Variants in ANTXR1 observed in about 807,000 individuals in gnomAD.
The protein encoded by ANTXR1 is ANTXR cell adhesion molecule 1, also known as anthrax toxin receptor 1.
ANTXR1 carries 19 observed loss-of-function variants against 78.1 expected under a neutral mutation model. That is an observed-to-expected ratio of 0.24 (90% confidence interval 0.17 to 0.36). The LOEUF is 0.36. Ranked by LOEUF, ANTXR1 falls within the 10% of genes least tolerant of loss-of-function variation. The pLI, the probability that ANTXR1 is intolerant of heterozygous loss-of-function variation, is 1.00. For synonymous variants in ANTXR1, 273 were observed against 260.5 expected (o/e 1.05, Z -0.46); for missense variants, 518 against 718.6 (o/e 0.72, Z 3.19).
At chr2:69,090,953 C>T (rs777027296) in intron 9 of ANTXR1, 34 bp downstream of exon 9, 3 of 1,600,578 alleles carry the variant, frequency 1.9e-6, no homozygotes, top group African/African-American at 2.7e-5. Context: ...TGCTTTCATA[C>T]AATTGATGAT....
chr2:69,178,721 CTTT>C (rs1319437678), intron 14 of ANTXR1, among the ~76,000 whole-genome samples: 2 of 152,196 alleles, frequency 1.3e-5, no homozygotes, highest in Non-Finnish European at 2.9e-5. Context: ...GTAAATCCTT[CTTT>C]AAGTTCTTTT....
At chr2:69,084,023 G>T (rs1313464900) in intron 8 of ANTXR1, among the ~76,000 whole-genome samples, 1 of 152,196 alleles carries the variant, frequency 6.6e-6, no homozygotes, top group Non-Finnish European at 1.5e-5. Flanking sequence ...CCCAGAGCTT[G>T]AACAGGCTAC....
chr2:69,202,614 G>C (rs1674801950), intron 17 of ANTXR1, among the ~76,000 whole-genome samples: 1 of 152,196 alleles, frequency 6.6e-6, no homozygotes, highest in African/African-American at 2.4e-5. Context: ...AGGGGTTGGA[G>C]GGCTTAGGAG....
intron 12 of ANTXR1, among the ~76,000 whole-genome samples, chr2:69,143,738 CT>C (rs766190287): frequency 3.3e-5 from 5 of 151,872 alleles, no homozygotes; most frequent in Non-Finnish European, 7.4e-5. Context: ...GTGTATATAT[CT>C]CCACAATTTT....
chr2:69,225,678 C>T (rs1418565089), intron 17 of ANTXR1, among the ~76,000 whole-genome samples: 2 of 151,820 alleles, frequency 1.3e-5, no homozygotes, highest in Non-Finnish European at 2.9e-5. Context: ...AGGAGAGAGG[C>T]GAGCTGAGAA....
chr2:69,108,836 A>G (rs1434777550), intron 10 of ANTXR1, among the ~76,000 whole-genome samples: 1 of 152,244 alleles, frequency 6.6e-6, no homozygotes, highest in Non-Finnish European at 1.5e-5. Context: ...CACGGTGTAT[A>G]TATACATTTT....
intron 1 of ANTXR1, among the ~76,000 whole-genome samples, chr2:69,038,910 C>T (rs1669532737): frequency 6.6e-6 from 1 of 152,152 alleles, no homozygotes; most frequent in South Asian, 2.1e-4. Context: ...TTCTGACTAT[C>T]ATTCCATTAA....
chr2:69,183,168 G>A (rs1303726705), intron 16 of ANTXR1, among the ~76,000 whole-genome samples: 1 of 152,038 alleles, frequency 6.6e-6, no homozygotes, highest in African/African-American at 2.4e-5. Flanking sequence ...TACTCCTTTT[G>A]CCATAATATA....
chr2:69,080,419 T>C (rs1432919544), intron 8 of ANTXR1, among the ~76,000 whole-genome samples: 2 of 152,238 alleles, frequency 1.3e-5, no homozygotes, highest in African/African-American at 4.8e-5. Flanking sequence ...TGGGCTTAAT[T>C]ATCCAAAATA....
chr2:69,166,135 T>G (rs1439911883), intron 13 of ANTXR1, among the ~76,000 whole-genome samples: 1 of 151,994 alleles, frequency 6.6e-6, no homozygotes, highest in Non-Finnish European at 1.5e-5. Context: ...AACTCAGGAG[T>G]GCACATAAAA....
chr2:69,143,256 A>T (rs1673120261), intron 12 of ANTXR1, among the ~76,000 whole-genome samples: 1 of 152,224 alleles, frequency 6.6e-6, no homozygotes, highest in South Asian at 2.1e-4. Flanking sequence ...TTAGAGATGA[A>T]GTAGACAGGG....
intron 2 of ANTXR1, among the ~76,000 whole-genome samples, chr2:69,042,074 T>C (rs1337483370): frequency 6.6e-6 from 1 of 152,210 alleles, no homozygotes; most frequent in Non-Finnish European, 1.5e-5. Context: ...ATTTATTCAT[T>C]TTAATAAAAA....
In ANTXR1 at chr2:69,245,617, C is replaced by T. The variant is rs2104537317; in HGVS notation, c.*132C>T. On this transcript the variant is annotated 3_prime_UTR_variant, in exon 18 of 18. Transcript: ENST00000303714. ...CATTCTAAAAATTGGTTGGCAATGC[C>T]AGTATACCAACAATCATGATCAGCT... The T allele has an allele frequency of 3.2e-6, 4 of 1,263,916 alleles. No individual in the cohort carries two copies. In the East Asian group the frequency reaches 7.0e-5, roughly 22 times the overall value. The allele number at this position is 1,263,916 out of a possible 1,614,324, so 78.3% of individuals were successfully genotyped here.
At chr2:69,118,360 G>A (rs1672223383) in intron 10 of ANTXR1, among the ~76,000 whole-genome samples, 1 of 152,120 alleles carries the variant, frequency 6.6e-6, no homozygotes, top group Non-Finnish European at 1.5e-5. Flanking sequence ...AAGCACAGAA[G>A]ATTGAGGCTG....
intron 11 of ANTXR1, among the ~76,000 whole-genome samples, chr2:69,123,854 G>A (rs1672435605): frequency 6.6e-6 from 1 of 152,148 alleles, no homozygotes; most frequent in Non-Finnish European, 1.5e-5. Flanking sequence ...GTCTATAATA[G>A]GCTAGACAAA....
intron 1 of ANTXR1, among the ~76,000 whole-genome samples, chr2:69,027,237 C>G (rs1007368299): frequency 6.6e-6 from 1 of 152,198 alleles, no homozygotes; most frequent in African/African-American, 2.4e-5. Flanking sequence ...AACCAGGCAC[C>G]TCCATGACTG....
Position 69,013,312 on chromosome 2 carries a change from G to T in ANTXR1, c.-188G>T. On this transcript the variant is annotated 5_prime_UTR_variant, in exon 1 of 18. Transcript: ENST00000303714. This position sits in a 1 kb window ranked among gnomAD's most constrained non-coding sequence, Gnocchi z 5.0. ...CCTTGAAACCCGAAACCCAGAAACA[G>T]CATCGGAGCGGAAACCAGAGGGGAA... 1 of 762,488 alleles carries T rather than the reference G, an allele frequency of 1.3e-6. No homozygotes were observed. The highest frequency in any genetic ancestry group is 1.7e-5 in the South Asian group (1 of 58,840). The allele number at this position is 762,488 out of a possible 1,614,324, so 47.2% of individuals were successfully genotyped here.
intron 16 of ANTXR1, 100 bp downstream of exon 16, chr2:69,182,760 C>G: frequency 1.4e-6 from 2 of 1,477,136 alleles, no homozygotes; most frequent in Admixed American, 1.7e-5. Flanking sequence ...CAACCTAAAA[C>G]CCAGCTTATC....
intron 3 of ANTXR1, among the ~76,000 whole-genome samples, chr2:69,061,966 A>T (rs373413545): frequency 6.8e-6 from 1 of 148,080 alleles, no homozygotes; most frequent in Non-Finnish European, 1.5e-5. Context: ...TAAAATTCAT[A>T]TGTTTCCGTG....
Sources: gnomAD v4.1 joint callset for allele counts (sites outside exome capture counted in the v4.1 genomes callset) on GRCh38, gnomAD v4.1.1 for gene constraint, Gnocchi (gnomAD v3.1) non-coding constraint, MANE v1.5 for transcripts, NCBI Gene and HGNC (gene_info 2026-07-23, HGNC 2026-07-21) for gene names.